Variants in ARHGEF4 observed in about 807,000 individuals in gnomAD.
ARHGEF4 encodes APC-stimulated guanine nucleotide exchange factor 1.
Under a neutral mutation model 162.0 loss-of-function variants are expected in ARHGEF4, and 119 were observed. That is an observed-to-expected ratio of 0.73 (90% CI 0.63 to 0.86). The LOEUF (loss-of-function observed/expected upper bound fraction) is 0.86. Among genes scored for constraint, ARHGEF4 ranks in the 40% least tolerant of loss-of-function variants. The pLI, the probability that ARHGEF4 is intolerant of heterozygous loss-of-function variation, is 0.00. For missense variants in ARHGEF4, 2,488 were observed against 2,456.0 expected (o/e 1.01, Z -0.28); for synonymous variants, 1,014 against 979.9 (o/e 1.03, Z -0.65).
chr2:130,839,859 CCTA>C (rs1680488014), intron 1 of ARHGEF4, among the ~76,000 whole-genome samples: 1 of 152,082 alleles, frequency 6.6e-6, no homozygotes, highest in Non-Finnish European at 1.5e-5. Context: ...GAATGTATGT[CCTA>C]CTCTCTGGTA....
intron 1 of ARHGEF4, among the ~76,000 whole-genome samples, chr2:130,853,096 T>G (rs1278424097): frequency 6.6e-6 from 1 of 152,152 alleles, no homozygotes; most frequent in African/African-American, 2.4e-5. Flanking sequence ...AGGGGGCTGT[T>G]TCTCAAATGT....
intron 5 of ARHGEF4, chr2:131,034,959 C>T (rs1318010192): frequency 1.1e-5 from 11 of 982,646 alleles, no homozygotes; most frequent in African/African-American, 5.3e-5. Flanking sequence ...GCCGCGCGCA[C>T]GGCGCCGGCT....
At chr2:130,968,919 A>G (rs928855190) in intron 4 of ARHGEF4, among the ~76,000 whole-genome samples, 8 of 152,192 alleles carry the variant, frequency 5.3e-5, no homozygotes, top group Non-Finnish European at 1.2e-4. Context: ...CTCAGTCTCA[A>G]AAAATAAAAT....
Position 131,040,086 on chromosome 2 carries a change from G to T in ARHGEF4, c.4376G>T (p.Gly1459Val), listed in dbSNP as rs78947410. Reference sequence around the variant, plus strand: ...GCCGGGAACAGCGGAGCGGAGGACGGCGGGGCGGAGGCGCAGAGCAGCAAG... The same window carrying T: ...GCCGGGAACAGCGGAGCGGAGGACGTCGGGGCGGAGGCGCAGAGCAGCAAG... The part of the protein sequence containing the change: ...PLAGNSGAED[G>V]GAEAQSSKDQ... The change falls in exon 7 of 14, where the codon GGC becomes GTC. Residue 1459 changes from glycine to valine, a missense_variant. By Grantham distance (109) the Gly-to-Val change is moderately radical. Coordinates refer to ENST00000409359, the MANE Select transcript of ARHGEF4 (RefSeq NM_001367493.1). 2.1e-4 allele frequency: 343 copies of T among 1,606,834 alleles called. 3 individuals carry two copies. In the East Asian group the frequency reaches 7.7e-3, roughly 36 times the overall value.
At position 130,916,719 on chromosome 2, in the gene ARHGEF4, C is replaced by G. The variant is rs1446623680; in HGVS notation, c.2773C>G (p.Leu925Val). 1.9e-6 allele frequency: 3 copies of G among 1,550,634 alleles called. No homozygotes were observed. The highest frequency in any genetic ancestry group is 1.4e-5 in the African/African-American group (1 of 73,170). The change falls in exon 2 of 14, where the codon CTA (leucine) becomes GTA (valine). Residue 925 changes from leucine (L) to valine (V), a missense_variant. This residue lies in a region of ARHGEF4 where 1,642 missense variants were observed against 1,481.5 expected (regional missense o/e 1.11). Transcript: ENST00000409359. Reference sequence around the variant, plus strand: ...TTCAAACTTTATTGAGTCAATAGTTCTAGAGAAAGAGAACACCCATGAACG... The same window carrying G: ...TTCAAACTTTATTGAGTCAATAGTTGTAGAGAAAGAGAACACCCATGAACG... ...TFSNFIESIV[L>V]EKENTHERSP...
At chr2:130,840,287 G>T (rs1208201528) in intron 1 of ARHGEF4, among the ~76,000 whole-genome samples, 1 of 152,198 alleles carries the variant, frequency 6.6e-6, no homozygotes, top group Non-Finnish European at 1.5e-5. Context: ...GATTGTGACA[G>T]CTTCAGTCCG....
chr2:131,007,142 A>G (rs1378659875), intron 4 of ARHGEF4, among the ~76,000 whole-genome samples: 1 of 152,196 alleles, frequency 6.6e-6, no homozygotes, highest in Non-Finnish European at 1.5e-5. Context: ...TGGACCTACT[A>G]TGTTCTCAGT....
At chr2:131,021,267 G>T (rs1689111425) in intron 4 of ARHGEF4, among the ~76,000 whole-genome samples, 1 of 152,022 alleles carries the variant, frequency 6.6e-6, no homozygotes, top group Non-Finnish European at 1.5e-5. Flanking sequence ...GCATGGTATT[G>T]GTACCAAAAC....
At chr2:131,035,602 G>A (rs1373129766) in intron 5 of ARHGEF4, 1 of 957,268 alleles carries the variant, frequency 1.0e-6, no homozygotes, top group Non-Finnish European at 1.3e-6. Flanking sequence ...GTGACCGCTG[G>A]GTGAGCGACC....
At chr2:131,012,046 A>C (rs1688486771) in intron 4 of ARHGEF4, 7 of 645,146 alleles carry the variant, frequency 1.1e-5, no homozygotes, top group African/African-American at 1.8e-5. Flanking sequence ...TATCCTTGCC[A>C]AGATTTTTGT....
intron 1 of ARHGEF4, among the ~76,000 whole-genome samples, chr2:130,876,959 G>A (rs1195309044): frequency 6.6e-6 from 1 of 152,224 alleles, no homozygotes; most frequent in East Asian, 1.9e-4. Context: ...TCAGGGCAGA[G>A]AATTAGTATG....
intron 1 of ARHGEF4, among the ~76,000 whole-genome samples, chr2:130,847,149 C>T (rs943269161): frequency 6.6e-5 from 10 of 152,226 alleles, no homozygotes; most frequent in African/African-American, 2.4e-4. Context: ...CCCTGCCGGA[C>T]ACCTGGCCCC....
chr2:131,013,167 C>T (rs1039827485), intron 4 of ARHGEF4, among the ~76,000 whole-genome samples: 1 of 152,126 alleles, frequency 6.6e-6, no homozygotes, highest in African/African-American at 2.4e-5. Flanking sequence ...TGGATAGAGG[C>T]CTGGTTGTCA....
chr2:130,944,318 T>C (rs1263041496), intron 3 of ARHGEF4, among the ~76,000 whole-genome samples: 1 of 152,214 alleles, frequency 6.6e-6, no homozygotes, highest in Non-Finnish European at 1.5e-5. Context: ...TTTTGAATCA[T>C]ATTTGGGATG....
intron 3 of ARHGEF4, among the ~76,000 whole-genome samples, chr2:130,943,850 T>C (rs1287252197): frequency 3.9e-5 from 6 of 152,204 alleles, no homozygotes; most frequent in African/African-American, 1.4e-4. Context: ...AGAAAAATGG[T>C]GTGTTATATT....
intron 1 of ARHGEF4, among the ~76,000 whole-genome samples, chr2:130,899,069 A>G (rs114209638): frequency 0.014 from 2,105 of 152,282 alleles, 51 homozygotes; most frequent in African/African-American, 0.048. Flanking sequence ...ACACCTGGGA[A>G]TCCCTGGCTT....
intron 4 of ARHGEF4, among the ~76,000 whole-genome samples, chr2:130,992,322 T>C (rs1234410221): frequency 6.6e-6 from 1 of 151,560 alleles, no homozygotes; most frequent in Non-Finnish European, 1.5e-5. Context: ...CTTTATTCTT[T>C]CGCTCTTTGC....
intron 1 of ARHGEF4, among the ~76,000 whole-genome samples, chr2:130,851,942 A>G (rs1209661486): frequency 6.6e-6 from 1 of 152,244 alleles, no homozygotes; most frequent in East Asian, 1.9e-4. Flanking sequence ...CAGTTTCCTT[A>G]CCTGGAGAAT....
intron 4 of ARHGEF4, among the ~76,000 whole-genome samples, chr2:130,949,086 T>G (rs1683796197): frequency 6.6e-6 from 1 of 152,154 alleles, no homozygotes; most frequent in African/African-American, 2.4e-5. Flanking sequence ...TGGGAGAATT[T>G]CTGTTTCATC....
Sources: gnomAD v4.1 joint callset for allele counts (sites outside exome capture counted in the v4.1 genomes callset) on GRCh38, gnomAD v4.1.1 for gene constraint, gnomAD v4.1.1 regional missense constraint, MANE v1.5 for transcripts, NCBI Gene and HGNC (gene_info 2026-07-23, HGNC 2026-07-21) for gene names.